DNAH14: variants seen among roughly 807,000 people sequenced by gnomAD.
The protein encoded by DNAH14 is dynein axonemal heavy chain 14, also known as axonemal beta dynein heavy chain 14.
DNAH14 carries 478 observed loss-of-function variants against 520.9 expected under a neutral mutation model. The observed-to-expected ratio is 0.92, with a 90% CI of 0.85 to 0.99. The LOEUF (loss-of-function observed/expected upper bound fraction) is 0.99, where lower values mean the gene tolerates loss of function less well. DNAH14 is among the 50% of genes least tolerant of loss of function. The probability of loss-of-function intolerance (pLI) is 0.00; values close to 1 mark genes in which losing one functional copy is unlikely to be tolerated. For synonymous variants in DNAH14, 1,581 were observed against 1,757.2 expected (o/e 0.90, Z 2.51); for missense variants, 4,831 against 5,234.5 (o/e 0.92, Z 2.38).
At chr1:225,310,672 C>CAG (rs1454148236) in intron 60 of DNAH14, among the ~76,000 whole-genome samples, 335 of 152,214 alleles carry the variant, frequency 2.2e-3, no homozygotes, top group Non-Finnish European at 3.6e-3. Context: ...TGTTCAACTC[C>CAG]CATTTATGAG....
intron 36 of DNAH14, among the ~76,000 whole-genome samples, chr1:225,184,916 C>T (rs1021011774): frequency 2.0e-5 from 3 of 151,898 alleles, no homozygotes; most frequent in Non-Finnish European, 4.4e-5. Context: ...CTAGCCAGAA[C>T]AACCAGGTAA....
chr1:225,074,461 T>C (rs75677596), intron 17 of DNAH14, among the ~76,000 whole-genome samples: 334 of 152,218 alleles, frequency 2.2e-3, no homozygotes, highest in African/African-American at 7.6e-3. Flanking sequence ...TGTGCTGTGC[T>C]TCTGCCTCTG....
At chr1:224,933,473 G>C (rs370048136) in intron 1 of DNAH14, among the ~76,000 whole-genome samples, 2 of 152,184 alleles carry the variant, frequency 1.3e-5, no homozygotes, top group African/African-American at 4.8e-5. Context: ...GGCTGAATGA[G>C]AGTGGTGAAA....
intron 17 of DNAH14, among the ~76,000 whole-genome samples, chr1:225,056,727 C>A (rs985495268): frequency 2.0e-5 from 3 of 152,100 alleles, no homozygotes; most frequent in Non-Finnish European, 4.4e-5. Flanking sequence ...AGGAAGGGAT[C>A]CAGTTTCAGC....
At chr1:225,286,611 T>C (rs767089648) in intron 54 of DNAH14, among the ~76,000 whole-genome samples, 4 of 152,180 alleles carry the variant, frequency 2.6e-5, no homozygotes, top group Non-Finnish European at 5.9e-5. Flanking sequence ...ATAGGAACTC[T>C]CATTCATAGC....
At chr1:224,983,302 T>C (rs979238547) in intron 8 of DNAH14, among the ~76,000 whole-genome samples, 11 of 152,160 alleles carry the variant, frequency 7.2e-5, no homozygotes, top group African/African-American at 2.7e-4. Flanking sequence ...TTGCGTGAAA[T>C]GCCTTTTTCC....
intron 21 of DNAH14, among the ~76,000 whole-genome samples, chr1:225,088,296 A>G (rs2074016387): frequency 6.6e-6 from 1 of 152,222 alleles, no homozygotes; most frequent in African/African-American, 2.4e-5. Context: ...TTTATTCCAT[A>G]TGTTAAAAAG....
At chr1:224,999,552 G>A (rs1328839188) in intron 8 of DNAH14, among the ~76,000 whole-genome samples, 1 of 151,934 alleles carries the variant, frequency 6.6e-6, no homozygotes, top group Non-Finnish European at 1.5e-5. Flanking sequence ...TCTTTTAATT[G>A]CCATATTTAG....
chr1:225,129,512 C>T (rs1481761327), intron 27 of DNAH14, among the ~76,000 whole-genome samples: 10 of 151,734 alleles, frequency 6.6e-5, no homozygotes, highest in Non-Finnish European at 1.2e-4. Flanking sequence ...GAAATAATGC[C>T]GCATATCTAC....
In DNAH14 at chr1:225,082,736, C is replaced by T. The variant is rs1286411262; in HGVS notation, c.3324C>T (p.Leu1108=). ...KNCKVENLLA[L]KMFQYENEIN... is the part of the protein sequence containing the mutation. ...GTAAAGTAGAGAATCTTCTAGCTCT[C>T]AAGGTAAATAAAAATGGTTTTTTAA... The change falls in exon 20 of 86, where the codon CTC becomes CTT. Residue 1108 remains leucine, a synonymous_variant. Coordinates refer to ENST00000682510, the MANE Select transcript of DNAH14 (RefSeq NM_001367479.1). The T allele has an allele frequency of 3.3e-6, 5 of 1,534,798 alleles. No homozygotes were observed. In the East Asian group the frequency reaches 1.2e-4, roughly 38 times the overall value.
In DNAH14 at chr1:225,205,957, A is replaced by G. The variant is rs1425339671; in HGVS notation, c.5978-14A>G. ...CATTAGTCTCAGTTACATTAAAAAT[A>G]TTTTTCTCTCCAGATTTTGATTGGC... On this transcript the variant is annotated splice_polypyrimidine_tract_variant and intron_variant, in intron 39 of 85. Coordinates refer to ENST00000682510, the MANE Select transcript of DNAH14 (RefSeq NM_001367479.1). The G allele has an allele frequency of 8.4e-6, 13 of 1,544,422 alleles. No individual in the cohort carries two copies. In the East Asian group the frequency reaches 9.8e-5, roughly 12 times the overall value.
At chr1:225,090,533 T>C (rs994345581) in intron 21 of DNAH14, among the ~76,000 whole-genome samples, 2 of 152,052 alleles carry the variant, frequency 1.3e-5, no homozygotes, top group South Asian at 4.1e-4. Context: ...GGTTTAAAGA[T>C]AGACAAGAAA....
intron 5 of DNAH14, among the ~76,000 whole-genome samples, chr1:224,965,376 A>G (rs2125587969): frequency 6.6e-6 from 1 of 152,204 alleles, no homozygotes; most frequent in East Asian, 1.9e-4. Context: ...AGCTCTCCAC[A>G]TGATTCTAAT....
At chr1:225,379,816 T>G (rs1054367691) in intron 79 of DNAH14, among the ~76,000 whole-genome samples, 3 of 152,198 alleles carry the variant, frequency 2.0e-5, no homozygotes, top group African/African-American at 2.4e-5. Context: ...TGAGCCACTG[T>G]GCCCAGCCAA....
chr1:225,273,583 A>G (rs1026921623), intron 52 of DNAH14, among the ~76,000 whole-genome samples: 4 of 152,244 alleles, frequency 2.6e-5, no homozygotes, highest in Admixed American at 6.5e-5. Context: ...CTAAAACTAT[A>G]GATATGCTGG....
chr1:225,251,418 C>T (rs757444789), intron 43 of DNAH14, among the ~76,000 whole-genome samples: 1 of 152,120 alleles, frequency 6.6e-6, no homozygotes, highest in Non-Finnish European at 1.5e-5. Context: ...AAGTGATCTG[C>T]CCACCTTGGC....
chr1:225,065,550 C>T (rs1034625444), intron 17 of DNAH14, among the ~76,000 whole-genome samples: 1 of 151,866 alleles, frequency 6.6e-6, no homozygotes, highest in African/African-American at 2.4e-5. Context: ...AAACACCATT[C>T]TACTCTCTTC....
chr1:225,338,808 T>C (rs1287552335), intron 68 of DNAH14, among the ~76,000 whole-genome samples: 1 of 152,182 alleles, frequency 6.6e-6, no homozygotes, highest in Non-Finnish European at 1.5e-5. Context: ...AAGAGCCTTC[T>C]GGGTAAGCAA....
At chr1:225,058,516 G>A (rs1407113588) in intron 17 of DNAH14, among the ~76,000 whole-genome samples, 4 of 152,134 alleles carry the variant, frequency 2.6e-5, no homozygotes, top group Admixed American at 6.5e-5. Context: ...AGGGTGTTTT[G>A]TGTCTCTATG....
Sources: gnomAD v4.1 joint callset for allele counts (sites outside exome capture counted in the v4.1 genomes callset) on GRCh38, gnomAD v4.1.1 for gene constraint, MANE v1.5 for transcripts, NCBI Gene and HGNC (gene_info 2026-07-23, HGNC 2026-07-21) for gene names.